The following NUBP1 variants were observed in gnomAD, a reference collection of about 807,000 sequenced individuals.
NUBP1 encodes cytosolic Fe-S cluster assembly factor NUBP1.
Under a neutral mutation model 41.8 loss-of-function variants are expected in NUBP1, and 46 were observed. The observed-to-expected ratio is 1.10, with a 90% CI of 0.87 to 1.41. The LOEUF (loss-of-function observed/expected upper bound fraction) is 1.41. Among genes scored for constraint, NUBP1 ranks in the 40% most tolerant of loss-of-function variants. The pLI is 0.00. For missense variants in NUBP1, 494 were observed against 414.0 expected (o/e 1.19, Z -1.68); for synonymous variants, 189 against 154.6 (o/e 1.22, Z -1.65).
Position 10,747,265 on chromosome 16 carries a change from G to T in NUBP1, c.247G>T (p.Glu83Ter). ...AHLAHGLAED[E>*]NTQIALLDID... Reference sequence around the variant, plus strand: ...CCTTGCCCATGGCCTAGCAGAGGATGAAAACACACAGGTGAGACCTCAGGA... The same window carrying T: ...CCTTGCCCATGGCCTAGCAGAGGATTAAAACACACAGGTGAGACCTCAGGA... The change falls in exon 3 of 11, where the codon GAA becomes TAA. Residue 83 changes from glutamate (E) to a stop codon, truncating the protein, a stop_gained. Coordinates refer to ENST00000283027, the MANE Select transcript of NUBP1 (RefSeq NM_002484.4). LOFTEE classifies it high-confidence loss of function. 6.2e-7 allele frequency: 1 copy of T among 1,613,906 alleles called. No individual in the cohort carries two copies. The highest frequency in any genetic ancestry group is 1.1e-5 in the South Asian group (1 of 91,078).
intron 2 of NUBP1, 86 bp from the exon 3 acceptor site, chr16:10,747,057 G>A: frequency 1.3e-6 from 2 of 1,510,004 alleles, no homozygotes; most frequent in East Asian, 2.3e-5. Flanking sequence ...CTAGGACTAG[G>A]ACTTAGCTCT....
At chr16:10,764,729 G>A (rs2719649) in intron 9 of NUBP1, among the ~76,000 whole-genome samples, 5 of 146,114 alleles carry the variant, frequency 3.4e-5, no homozygotes, top group African/African-American at 5.0e-5. Flanking sequence ...ATGTCAGTCT[G>A]TTGGAGCATC....
intron 7 of NUBP1, chr16:10,760,806 GAAC>G (rs1567260952): frequency 1.3e-5 from 2 of 152,390 alleles, no homozygotes; most frequent in African/African-American, 4.8e-5. Flanking sequence ...ATAGCACCTC[GAAC>G]AAACAGGGCT....
chr16:10,761,890 ACTC>A, intron 9 of NUBP1, 31 bp downstream of exon 9: 2 of 1,545,404 alleles, frequency 1.3e-6, no homozygotes, highest in Non-Finnish European at 1.8e-6. Flanking sequence ...GCGGCACCTC[ACTC>A]CTCGGTCAGC....
chr16:10,757,428 C>A lies in NUBP1; in HGVS notation c.452-445C>A, dbSNP rs1312969018. Among the ~76,000 whole-genome samples, 1 of 152,138 alleles carries A rather than the reference C, an allele frequency of 6.6e-6. No individual in the cohort carries two copies. Among genetic ancestry groups the A allele is most frequent in the Non-Finnish European group, 1.5e-5 (1 of 68,034 alleles). On this transcript the variant is annotated intron_variant, in intron 6 of 10. Transcript: ENST00000283027. This position sits in a 1 kb window ranked among gnomAD's most constrained non-coding sequence, Gnocchi z 4.1. ...TAATAATGTGAAAGTGTTATCAGGG[C>A]AAGCTTTAGCCTCAGCACTATTGAT...
intron 2 of NUBP1, 39 bp downstream of exon 2, chr16:10,744,104 G>A (rs947498680): frequency 1.3e-6 from 2 of 1,481,834 alleles, no homozygotes; most frequent in Non-Finnish European, 1.8e-6. Context: ...ACTTAGAGGC[G>A]CAGGCCCGGA....
Position 10,759,255 on chromosome 16 carries a change from GC to G in NUBP1, c.606+1230del. On this transcript the variant is annotated intron_variant, in intron 7 of 10. Transcript: ENST00000283027. The surrounding 1 kb of genome is among the most constrained non-coding windows in gnomAD (Gnocchi z 4.7). ...TGCTGGACACAGGGATGAGGGTACA[GC>G]CAATGGAGTGGCAGGCCCAGCGGCC... Among the ~76,000 whole-genome samples the G allele has an allele frequency of 1.3e-5, 2 of 152,320 alleles. No individual in the cohort carries two copies. The highest frequency in any genetic ancestry group is 1.9e-4 in the East Asian group (1 of 5,190).
At position 10,766,977 on chromosome 16, in the gene NUBP1, C is replaced by T. The variant is rs1019163512; in HGVS notation, c.821-972C>T. Reference sequence around the variant, plus strand: ...GGCCATATGGGCTCCCCATCTCCCACCAACCCCTCCCCACAGGCTTCTTCC... The same window carrying T: ...GGCCATATGGGCTCCCCATCTCCCATCAACCCCTCCCCACAGGCTTCTTCC... On this transcript the variant is annotated intron_variant, in intron 9 of 10. Coordinates refer to ENST00000283027, the MANE Select transcript of NUBP1 (RefSeq NM_002484.4). This position sits in a 1 kb window ranked among gnomAD's most constrained non-coding sequence, Gnocchi z 4.8. The T allele has an allele frequency of 1.0e-5, 4 of 398,710 alleles. No individual in the cohort carries two copies. Among genetic ancestry groups the T allele is most frequent in the South Asian group, 1.3e-4 (1 of 7,872 alleles). 24.7% of individuals were successfully genotyped at this position (398,710 alleles called of 1,614,324 possible).
rs373945552 is a variant in NUBP1 at position 10,754,248 on chromosome 16, A to ATTTTATTTTATTTTATTTTAT, written c.328-1470_328-1469insTATTTTATTTTATTTTATTTT. Reference sequence around the variant, plus strand: ...ATTTTATTTTATTTTATTTTATTTTATTTATTTTATTGAGACAGAGTTTCA... The same window carrying ATTTTATTTTATTTTATTTTAT: ...ATTTTATTTTATTTTATTTTATTTTATTTTATTTTATTTTATTTTATTTTATTTTATTGAGACAGAGTTTCA... On this transcript the variant is annotated intron_variant, in intron 4 of 10. Coordinates refer to ENST00000283027, the MANE Select transcript of NUBP1 (RefSeq NM_002484.4). Among the ~76,000 whole-genome samples the ATTTTATTTTATTTTATTTTAT allele has an allele frequency of 1.9e-3, 259 of 139,626 alleles. 1 individual carries two copies. Among genetic ancestry groups the ATTTTATTTTATTTTATTTTAT allele is most frequent in the African/African-American group, 7.3e-3 (248 of 34,136 alleles). The allele number at this position is 139,626 out of a possible 152,430, so 91.6% of individuals were successfully genotyped here.
In NUBP1 at chr16:10,768,252, C is replaced by A; in HGVS notation, c.904+220C>A. ...AACATGGTGAGGGTGAAATTTATGG[C>A]TTAGGAAATACATCCCAATAAAGGG... On this transcript the variant is annotated intron_variant, in intron 10 of 10. Coordinates refer to ENST00000283027, the MANE Select transcript of NUBP1 (RefSeq NM_002484.4). The surrounding 1 kb of genome is among the most constrained non-coding windows in gnomAD (Gnocchi z 4.3). 2.5e-6 allele frequency: 1 copy of A among 392,726 alleles called. No homozygotes were observed. The highest frequency in any genetic ancestry group is 4.6e-6 in the Non-Finnish European group (1 of 218,576). The allele number at this position is 392,726 out of a possible 1,614,324, so 24.3% of individuals were successfully genotyped here. A position where few individuals can be genotyped will look rare whatever the true frequency, so the allele number is the denominator to read the frequency against.
rs1596449306 is a variant in NUBP1, at chr16:10,747,150, G to A, written c.132G>A (p.Glu44=). ...GAGATPDTAI[E]EIKEKMKTVK... ...CTTTGGTTTTCTTTGCAGCTATAGA[G>A]GAAATCAAAGAGAAAATGAAGACTG... Residue 44 remains glutamate, a synonymous_variant, in exon 3 of 11, where the codon GAG becomes GAA. Transcript: ENST00000283027. 1.2e-6 allele frequency: 2 copies of A among 1,614,092 alleles called. No individual in the cohort carries two copies. The highest frequency in any genetic ancestry group is 2.2e-5 in the South Asian group (2 of 91,082).
rs367903456 is a variant in NUBP1, at chr16:10,752,882, ACCT to A, written c.327+208_327+210del. Among the ~76,000 whole-genome samples, 323 of 152,174 alleles carry A rather than the reference ACCT, an allele frequency of 2.1e-3. 3 individuals are homozygous for A. The highest frequency in any genetic ancestry group is 7.3e-3 in the African/African-American group (301 of 41,504). On this transcript the variant is annotated intron_variant, in intron 4 of 10. Coordinates refer to ENST00000283027, the MANE Select transcript of NUBP1 (RefSeq NM_002484.4). ...GCAACCTCAGCTCACTGCAACCTCC[ACCT>A]CCTGGGTTCAAGCGATTCTTGTGCT...
intron 2 of NUBP1, among the ~76,000 whole-genome samples, chr16:10,744,430 AGTCTTCGGACTT>A (rs1899969050): frequency 6.6e-6 from 1 of 152,220 alleles, no homozygotes; most frequent in African/African-American, 2.4e-5. Flanking sequence ...GAAGTCGGGG[AGTCTTCGGACTT>A]ACATCCTGGC....
rs1900194332 is a variant in NUBP1 at position 10,749,122 on chromosome 16, C to CATAT, written c.258+1847_258+1848insTATA. Among the ~76,000 whole-genome samples the CATAT allele has an allele frequency of 2.2e-5, 2 of 91,672 alleles. No individual in the cohort carries two copies. Among genetic ancestry groups the CATAT allele is most frequent in the African/African-American group, 4.4e-5 (1 of 22,480 alleles). 60.1% of individuals were successfully genotyped at this position (91,672 alleles called of 152,430 possible). Reference sequence around the variant, plus strand: ...AAAAGGATATAGATAGATACACAGACACATACACACACACACACACACACA... The same window carrying CATAT: ...AAAAGGATATAGATAGATACACAGACATATACATACACACACACACACACACACA... On this transcript the variant is annotated intron_variant, in intron 3 of 10. Transcript: ENST00000283027. This position sits in a 1 kb window ranked among gnomAD's most constrained non-coding sequence, Gnocchi z 4.1.
rs1398143303 is a variant in NUBP1, at chr16:10,747,502, G to GCGCA, written c.258+227_258+230dup. On this transcript the variant is annotated intron_variant, in intron 3 of 10. Coordinates refer to ENST00000283027, the MANE Select transcript of NUBP1 (RefSeq NM_002484.4). ...TACAAAATATTAGCTGGGCGTGGTAGCGCAGGCTTGTAATCCCAGCTTTTC... is the reference window on the plus strand; with the variant it reads ...TACAAAATATTAGCTGGGCGTGGTAGCGCACGCAGGCTTGTAATCCCAGCTTTTC... 3.3e-5 allele frequency among the ~76,000 whole-genome samples: 5 copies of GCGCA among 152,254 alleles called. No homozygotes were observed. In the East Asian group the frequency reaches 7.7e-4, roughly 23 times the overall value.
intron 2 of NUBP1, among the ~76,000 whole-genome samples, chr16:10,744,380 G>C (rs1287498580): frequency 6.6e-6 from 1 of 152,234 alleles, no homozygotes. Flanking sequence ...AGAGGTTTGA[G>C]TGACAATAAC....
chr16:10,768,989 G>C lies in NUBP1; in HGVS notation c.905-58G>C. The C allele has an allele frequency of 6.7e-7, 1 of 1,485,906 alleles. No homozygotes were observed. Among genetic ancestry groups the C allele is most frequent in the Middle Eastern group, 1.7e-4 (1 of 5,808 alleles). 92.0% of individuals were successfully genotyped at this position (1,485,906 alleles called of 1,614,324 possible). On this transcript the variant is annotated intron_variant, in intron 10 of 10. Transcript: ENST00000283027. The surrounding 1 kb of genome is among the most constrained non-coding windows in gnomAD (Gnocchi z 4.3). ...ACACAGCCCTCCCCAGCACAGGACA[G>C]GGCTGTCAAGGGGTAGACAAGCCAT...
rs1332386593 is a variant in NUBP1, at chr16:10,757,883, G to A, written c.462G>A (p.Lys154=). Residue 154 remains lysine, a synonymous_variant, in exon 7 of 11, where the codon AAG becomes AAA. Transcript: ENST00000283027. The surrounding 1 kb of genome is among the most constrained non-coding windows in gnomAD (Gnocchi z 4.1). ...GATTCCTCTTTCTAGGCATGATCAA[G>A]CAGTTCCTCCGAGATGTGGACTGGG... ...WRGPKKNGMI[K]QFLRDVDWGE... is the part of the protein sequence containing the mutation. The A allele has an allele frequency of 1.2e-6, 2 of 1,613,598 alleles. No individual in the cohort carries two copies. Among genetic ancestry groups the A allele is most frequent in the South Asian group, 1.1e-5 (1 of 91,076 alleles).
chr16:10,745,528 G>A (rs1900019135), intron 2 of NUBP1, among the ~76,000 whole-genome samples: 2 of 152,204 alleles, frequency 1.3e-5, no homozygotes, highest in African/African-American at 4.8e-5. Context: ...GAGCCTCAGT[G>A]GAGGTTTATT....
Sources: allele counts gnomAD v4.1 joint callset (sites outside exome capture counted in the v4.1 genomes callset), GRCh38; gene constraint gnomAD v4.1.1; non-coding constraint Gnocchi (gnomAD v3.1); transcripts MANE v1.5; gene names NCBI Gene and HGNC (gene_info 2026-07-23, HGNC 2026-07-21).